Variants in SH3GL2 observed in about 807,000 individuals in gnomAD.
SH3GL2 encodes the protein endophilin-A1.
A neutral mutation model predicts 46.0 loss-of-function variants in SH3GL2; 24 were observed. The ratio of observed to expected loss-of-function variants is 0.52; its 90% CI spans 0.38 to 0.73. The LOEUF (loss-of-function observed/expected upper bound fraction) is 0.73, where lower values mean the gene tolerates loss of function less well. Ranked by LOEUF, SH3GL2 falls within the 30% of genes least tolerant of loss-of-function variation. The pLI is 0.00. For synonymous variants in SH3GL2, 196 were observed against 147.1 expected (o/e 1.33, Z -2.40); for missense variants, 413 against 424.2 (o/e 0.97, Z 0.23).
intron 1 of SH3GL2, among the ~76,000 whole-genome samples, chr9:17,738,131 T>C (rs1822395302): frequency 2.0e-5 from 3 of 152,142 alleles, no homozygotes; most frequent in Non-Finnish European, 1.5e-5. Flanking sequence ...CTGTTTTATT[T>C]GCATTTAAAA....
intron 3 of SH3GL2, among the ~76,000 whole-genome samples, chr9:17,767,761 A>G (rs1823355043): frequency 1.3e-5 from 2 of 152,234 alleles, no homozygotes; most frequent in South Asian, 4.1e-4. Context: ...ATCAAAATGC[A>G]TAAAGGACAG....
intron 1 of SH3GL2, among the ~76,000 whole-genome samples, chr9:17,680,785 G>C (rs1211378170): frequency 2.0e-5 from 3 of 151,882 alleles, no homozygotes; most frequent in Non-Finnish European, 2.9e-5. Context: ...AAATTTCCCT[G>C]TACACACTGC....
rs1394103607 is a variant in SH3GL2 at position 17,631,317 on chromosome 9, A to G, written c.45+52030A>G. Reference sequence around the variant, plus strand: ...TTTTGAAGGTGCAGTTCTTGCTTTCATAGCATGTAGTTAAAATAAAAACCA... The same window carrying G: ...TTTTGAAGGTGCAGTTCTTGCTTTCGTAGCATGTAGTTAAAATAAAAACCA... On this transcript the variant is annotated intron_variant, in intron 1 of 8. Coordinates refer to ENST00000380607, the MANE Select transcript of SH3GL2 (RefSeq NM_003026.5). Among the ~76,000 whole-genome samples the G allele has an allele frequency of 2.0e-5, 3 of 152,290 alleles. No individual in the cohort carries two copies. The East Asian group carries it at 5.8e-4, about 29-fold the overall frequency.
chr9:17,635,934 A>G (rs187566271), intron 1 of SH3GL2, among the ~76,000 whole-genome samples: 88 of 152,330 alleles, frequency 5.8e-4, no homozygotes, highest in Admixed American at 3.5e-3. Context: ...CACAGCAGCA[A>G]GTAACCAAGA....
At chr9:17,784,692 G>A (rs1047690205) in intron 3 of SH3GL2, among the ~76,000 whole-genome samples, 10 of 152,058 alleles carry the variant, frequency 6.6e-5, no homozygotes, top group African/African-American at 2.2e-4. Flanking sequence ...TAATGATATT[G>A]TTCCCTTAAA....
At chr9:17,795,426 A>C in intron 8 of SH3GL2, 118 bp from the exon 9 acceptor site, 2 of 703,916 alleles carry the variant, frequency 2.8e-6, no homozygotes, top group Non-Finnish European at 2.4e-6. Context: ...AGGAAGAGGA[A>C]TGAGGGAGGA....
At chr9:17,756,559 A>G (rs2131144240) in intron 2 of SH3GL2, among the ~76,000 whole-genome samples, 1 of 143,052 alleles carries the variant, frequency 7.0e-6, no homozygotes, top group Non-Finnish European at 1.5e-5. Context: ...CCCACCTATG[A>G]GTGAGAACTT....
At chr9:17,623,472 T>G (rs1214705681) in intron 1 of SH3GL2, among the ~76,000 whole-genome samples, 1 of 152,182 alleles carries the variant, frequency 6.6e-6, no homozygotes, top group Non-Finnish European at 1.5e-5. Flanking sequence ...GAAGGTTGCC[T>G]GTGAAGGACA....
At position 17,695,071 on chromosome 9, in the gene SH3GL2, T is replaced by C. The variant is rs888836640; in HGVS notation, c.46-51995T>C. Among the ~76,000 whole-genome samples, 5 of 152,086 alleles carry C rather than the reference T, an allele frequency of 3.3e-5. No individual in the cohort carries two copies. In the South Asian group the frequency reaches 6.3e-4, roughly 19 times the overall value. On this transcript the variant is annotated intron_variant, in intron 1 of 8. Coordinates refer to ENST00000380607, the MANE Select transcript of SH3GL2 (RefSeq NM_003026.5). ...AGAGGGGAAAGAGGCACTGCAAAAG[T>C]TACTGGAGGGAATACAAGAGAAGAA...
intron 3 of SH3GL2, among the ~76,000 whole-genome samples, chr9:17,782,086 G>A (rs1332818082): frequency 6.6e-6 from 1 of 152,124 alleles, no homozygotes; most frequent in Non-Finnish European, 1.5e-5. Flanking sequence ...TTATCACAGA[G>A]AAAATCTTTT....
At chr9:17,737,549 C>T (rs1042974860) in intron 1 of SH3GL2, among the ~76,000 whole-genome samples, 18 of 152,190 alleles carry the variant, frequency 1.2e-4, no homozygotes, top group African/African-American at 4.3e-4. Flanking sequence ...GTAATACTGA[C>T]TCTGAAATGA....
In SH3GL2 at chr9:17,638,823, C is replaced by T. The variant is rs551638512; in HGVS notation, c.45+59536C>T. The stretch of plus-strand genomic sequence containing the variant: ...CCTCCTTGATGTCTTATAAGCTGAT[C>T]CCTTCAGACTGGGGGAGGGGGTGGT... On this transcript the variant is annotated intron_variant, in intron 1 of 8. Coordinates refer to ENST00000380607, the MANE Select transcript of SH3GL2 (RefSeq NM_003026.5). 2.0e-5 allele frequency among the ~76,000 whole-genome samples: 3 copies of T among 152,310 alleles called. 1 individual carries two copies. In the South Asian group the frequency reaches 6.2e-4, roughly 32 times the overall value.
intron 3 of SH3GL2, among the ~76,000 whole-genome samples, chr9:17,770,711 C>G (rs1823452278): frequency 6.6e-6 from 1 of 152,202 alleles, no homozygotes; most frequent in South Asian, 2.1e-4. Context: ...AGAAGAAGCA[C>G]ACTGCCATGT....
intron 3 of SH3GL2, among the ~76,000 whole-genome samples, chr9:17,779,678 C>G (rs930693670): frequency 2.0e-5 from 3 of 152,128 alleles, no homozygotes; most frequent in African/African-American, 7.2e-5. Context: ...TTTGTTTCAT[C>G]TTCATTTGGG....
intron 1 of SH3GL2, among the ~76,000 whole-genome samples, chr9:17,664,834 C>T (rs1691686133): frequency 6.6e-6 from 1 of 151,226 alleles, no homozygotes; most frequent in African/African-American, 2.4e-5. Context: ...ACTCAACTGT[C>T]CTAGAGGACA....
chr9:17,760,226 T>C (rs1355888364), intron 2 of SH3GL2, among the ~76,000 whole-genome samples: 1 of 152,220 alleles, frequency 6.6e-6, no homozygotes, highest in Non-Finnish European at 1.5e-5. Flanking sequence ...AAGATAATTT[T>C]ATATCATTAT....
chr9:17,582,023 GTTTC>G (rs1176212650), intron 1 of SH3GL2, among the ~76,000 whole-genome samples: 10 of 152,254 alleles, frequency 6.6e-5, no homozygotes, highest in African/African-American at 2.2e-4. Flanking sequence ...TCACGCAAAC[GTTTC>G]TTTCTATGGA....
chr9:17,780,498 A>T (rs1554649484), intron 3 of SH3GL2, among the ~76,000 whole-genome samples: 1 of 140,388 alleles, frequency 7.1e-6, no homozygotes. Context: ...TTTTTATTAT[A>T]CTCTAAGTTT....
chr9:17,599,316 A>G (rs1381269466), intron 1 of SH3GL2, among the ~76,000 whole-genome samples: 3 of 152,178 alleles, frequency 2.0e-5, no homozygotes, highest in East Asian at 1.9e-4. Flanking sequence ...CTGAGTAGCA[A>G]AGGATCCTAA....
Sources: gnomAD v4.1 joint callset for allele counts (sites outside exome capture counted in the v4.1 genomes callset) on GRCh38, gnomAD v4.1.1 for gene constraint, MANE v1.5 for transcripts, NCBI Gene and HGNC (gene_info 2026-07-23, HGNC 2026-07-21) for gene names.